Variants in PAK6 observed in about 807,000 individuals in gnomAD.
PAK6 encodes serine/threonine-protein kinase PAK 6.
In PAK6, 33 loss-of-function variants were observed where a neutral mutation model predicts 60.8. The ratio of observed to expected loss-of-function variants is 0.54; its 90% confidence interval spans 0.41 to 0.73. The LOEUF is 0.73. Among genes scored for constraint, PAK6 ranks in the 30% least tolerant of loss-of-function variants. PAK6 has a pLI of 0.00. For synonymous variants in PAK6, 404 were observed against 378.5 expected, an observed-to-expected ratio of 1.07 and a Z score of -0.78; for missense variants, 845 against 904.1, an observed-to-expected ratio of 0.93 and a Z score of 0.84.
chr15:40,254,971 G>A (rs1166875039), intron 3 of PAK6, among the ~76,000 whole-genome samples: 2 of 152,196 alleles, frequency 1.3e-5, no homozygotes. Context: ...ACTCACAATG[G>A]TGTTGTGAGT....
chr15:40,271,908 G>A (rs887675530), intron 5 of PAK6, among the ~76,000 whole-genome samples: 6 of 152,320 alleles, frequency 3.9e-5, no homozygotes, highest in Non-Finnish European at 8.8e-5. Flanking sequence ...GCTGTCAATC[G>A]CCCAGGAAGA....
At chr15:40,243,375 GTTAC>G (rs1320659219) in intron 2 of PAK6, among the ~76,000 whole-genome samples, 2 of 152,168 alleles carry the variant, frequency 1.3e-5, no homozygotes, top group African/African-American at 4.8e-5. Context: ...ACTCGGGCAA[GTTAC>G]TTCATGTCTC....
exon 6 of PAK6, chr15:40,272,369 C>G: frequency 4.3e-6 from 7 of 1,613,676 alleles, no homozygotes; most frequent in Non-Finnish European, 5.9e-6. Flanking sequence ...TCCCTCCGCA[C>G]AGCCCCGGCC....
At chr15:40,274,070 TG>T (rs1239323348) in intron 9 of PAK6, 71 bp from the exon 10 acceptor site, 5 of 1,567,538 alleles carry the variant, frequency 3.2e-6, no homozygotes, top group Non-Finnish European at 4.4e-6. Flanking sequence ...CCTCCACCAC[TG>T]CTGCCACCAG....
intron 3 of PAK6, among the ~76,000 whole-genome samples, chr15:40,257,567 G>T (rs185577706): frequency 1.3e-4 from 20 of 152,392 alleles, no homozygotes; most frequent in Admixed American, 3.3e-4. Flanking sequence ...TCCCAAAGAG[G>T]AGTTCTGGAA....
rs374185464 is a variant in PAK6, at chr15:40,275,998, G to C, written c.1950G>C (p.Gln650His). The C allele has an allele frequency of 1.9e-6, 3 of 1,613,086 alleles. No homozygotes were observed. In the African/African-American group the frequency reaches 4.0e-5, roughly 22 times the overall value. ...ACCCCCAAGAGAGAGCCACAGCCCA[G>C]GAGCTCCTAGACCACCCCTTCCTGC... Residue 650 changes from glutamine (Q) to histidine (H), a missense_variant, in exon 11 of 11, where the codon CAG (glutamine) becomes CAC (histidine). Transcript: ENST00000560346.
chr15:40,269,956 T>C, intron 5 of PAK6, among the ~76,000 whole-genome samples: 1 of 152,252 alleles, frequency 6.6e-6, no homozygotes, highest in East Asian at 1.9e-4. Context: ...GGGAATGATC[T>C]CATTTTACAG....
intron 10 of PAK6, 126 bp from the exon 11 acceptor site, chr15:40,275,801 G>A (rs982883605): frequency 1.0e-5 from 9 of 861,296 alleles, no homozygotes; most frequent in Non-Finnish European, 1.3e-5. Flanking sequence ...GGTGGGGAGG[G>A]ACAAGGGAAC....
At chr15:40,254,635 G>T (rs561675520) in intron 3 of PAK6, among the ~76,000 whole-genome samples, 6 of 152,320 alleles carry the variant, frequency 3.9e-5, no homozygotes, top group Non-Finnish European at 8.8e-5. Context: ...ATAGCTGTGT[G>T]ATCCAGAGCA....
At chr15:40,267,412 C>T (rs12908054) in intron 5 of PAK6, among the ~76,000 whole-genome samples, 1 of 152,210 alleles carries the variant, frequency 6.6e-6, no homozygotes, top group Admixed American at 6.5e-5. Flanking sequence ...AGTCCCAGCA[C>T]TTTGGGAGGC....
chr15:40,253,881 C>G (rs2038761148), intron 3 of PAK6, among the ~76,000 whole-genome samples: 1 of 141,324 alleles, frequency 7.1e-6, no homozygotes, highest in African/African-American at 2.4e-5. Context: ...TTGCCCCATT[C>G]TGGTGGTTTT....
intron 2 of PAK6, chr15:40,252,640 G>A (rs982781177): frequency 1.9e-5 from 25 of 1,332,064 alleles, no homozygotes; most frequent in Non-Finnish European, 2.4e-5. Flanking sequence ...CGCGGAGGGC[G>A]GGCCCGGCTC....
rs539221332 is a variant in PAK6 at position 40,250,347 on chromosome 15, C to T, written c.-117-2831C>T. Among the ~76,000 whole-genome samples the T allele has an allele frequency of 5.9e-5, 9 of 152,254 alleles. No homozygotes were observed. The East Asian group carries it at 1.4e-3, about 23-fold the overall frequency. Reference sequence around the variant, plus strand: ...CCGGTGCAGCTGAACCTCATGTAGACGAGACTGGAAGTGCAGAAAACTGGC... The same window carrying T: ...CCGGTGCAGCTGAACCTCATGTAGATGAGACTGGAAGTGCAGAAAACTGGC... On this transcript the variant is annotated intron_variant, in intron 2 of 10. Transcript: ENST00000560346.
At chr15:40,241,289 G>A (rs115182481) in intron 2 of PAK6, among the ~76,000 whole-genome samples, 171 of 152,236 alleles carry the variant, frequency 1.1e-3, no homozygotes, top group African/African-American at 4.0e-3. Context: ...AACGTCTTGT[G>A]GTCTCCAGTT....
chr15:40,248,460 A>G (rs1404961689), intron 2 of PAK6, among the ~76,000 whole-genome samples: 3 of 152,198 alleles, frequency 2.0e-5, no homozygotes, highest in Non-Finnish European at 4.4e-5. Flanking sequence ...TCCTCCTGCC[A>G]AGCATCCAGC....
intron 2 of PAK6, among the ~76,000 whole-genome samples, chr15:40,249,382 G>A (rs67628366): frequency 0.063 from 9,613 of 152,148 alleles, 337 homozygotes; most frequent in South Asian, 0.11. Flanking sequence ...TAACCACTCC[G>A]AGCCTCAGTT....
At chr15:40,243,222 A>G (rs984926715) in intron 2 of PAK6, among the ~76,000 whole-genome samples, 2 of 152,212 alleles carry the variant, frequency 1.3e-5, no homozygotes, top group Non-Finnish European at 2.9e-5. Flanking sequence ...TGACAAACAA[A>G]GGAAGAAGCA....
chr15:40,265,797 C>T (rs777796264), intron 4 of PAK6, 45 bp from the exon 5 acceptor site: 2 of 1,491,464 alleles, frequency 1.3e-6, no homozygotes, highest in South Asian at 1.4e-5. Flanking sequence ...CCCTCCCTGC[C>T]ACAATTGGGC....
At chr15:40,250,697 GTA>G (rs1566844386) in intron 2 of PAK6, 1 of 152,212 alleles carries the variant, frequency 6.6e-6, no homozygotes, top group Non-Finnish European at 1.5e-5. Context: ...ATACTTTATT[GTA>G]GTTCTGTTCA....
Sources: gnomAD v4.1 joint callset for allele counts (sites outside exome capture counted in the v4.1 genomes callset) on GRCh38, gnomAD v4.1.1 for gene constraint, MANE v1.5 for transcripts, NCBI Gene and HGNC (gene_info 2026-07-23, HGNC 2026-07-21) for gene names.